Variants in NOSIP observed in about 807,000 individuals in gnomAD.
NOSIP encodes the protein nitric oxide synthase-interacting protein.
NOSIP carries 25 observed loss-of-function variants against 36.4 expected under a neutral mutation model. The observed-to-expected ratio is 0.69, with a 90% CI of 0.50 to 0.96. NOSIP has a LOEUF of 0.96. NOSIP is among the 40% of genes least tolerant of loss of function. The pLI, the probability that NOSIP is intolerant of heterozygous loss-of-function variation, is 0.00. For synonymous variants in NOSIP, 187 were observed against 179.2 expected, an observed-to-expected ratio of 1.04 and a Z score of -0.35; for missense variants, 370 against 429.0, an observed-to-expected ratio of 0.86 and a Z score of 1.21.
At chr19:49,556,814 A>C in intron 6 of NOSIP, 61 bp downstream of exon 6, 1 of 1,596,536 alleles carries the variant, frequency 6.3e-7, no homozygotes, top group Non-Finnish European at 8.6e-7. Context: ...GTGCGTGAGG[A>C]GGACGGTGGG....
At chr19:49,558,060 A>T in intron 4 of NOSIP, 1 of 363,886 alleles carries the variant, frequency 2.7e-6, no homozygotes, top group Non-Finnish European at 3.8e-6. Context: ...GGCCCCTCCT[A>T]CCCATCAAAT....
intron 8 of NOSIP, 56 bp downstream of exon 8, chr19:49,556,261 A>AAGGGG (rs1436542923): frequency 3.9e-6 from 3 of 771,604 alleles, no homozygotes; most frequent in African/African-American, 8.9e-5. Flanking sequence ...GGAGGGGGTG[A>AAGGGG]AGGGGAGGGG....
At position 49,560,099 on chromosome 19, in the gene NOSIP, C is replaced by G; in HGVS notation, c.71-60G>C. 8.5e-7 allele frequency: 1 copy of G among 1,180,924 alleles called. No individual in the cohort carries two copies. The highest frequency in any genetic ancestry group is 1.2e-6 in the Non-Finnish European group (1 of 811,008). 73.2% of individuals were successfully genotyped at this position (1,180,924 alleles called of 1,614,324 possible). On this transcript the variant is annotated intron_variant, in intron 2 of 8. Coordinates refer to ENST00000596358, the MANE Select transcript of NOSIP (RefSeq NM_001270960.2). This position sits in a 1 kb window ranked among gnomAD's most constrained non-coding sequence, Gnocchi z 4.6. ...GGAGCAACAGGAGACATGTCCGTCTCCAAAGCCCCAGAGAGAGGCACAGAG... is the reference window on the plus strand; with the variant it reads ...GGAGCAACAGGAGACATGTCCGTCTGCAAAGCCCCAGAGAGAGGCACAGAG...
At chr19:49,578,756 C>A (rs894622438) in intron 1 of NOSIP, among the ~76,000 whole-genome samples, 3 of 151,648 alleles carry the variant, frequency 2.0e-5, no homozygotes, top group Admixed American at 6.6e-5. Context: ...ACGCAATTCT[C>A]CTGCCTCAGC....
At chr19:49,566,484 C>T (rs1288363433) in intron 1 of NOSIP, among the ~76,000 whole-genome samples, 1 of 150,782 alleles carries the variant, frequency 6.6e-6, no homozygotes, top group Non-Finnish European at 1.5e-5. Flanking sequence ...AATTTTTTAT[C>T]CAGGCAGGGT....
In NOSIP at chr19:49,556,983, T is replaced by A. The variant is rs751690144; in HGVS notation, c.429A>T (p.Gln143His). The change falls in exon 6 of 9, where the codon CAA becomes CAT. Residue 143 changes from glutamine (Q) to histidine (H), a missense_variant. By Grantham distance (24) the Gln-to-His change is conservative (BLOSUM62 0). Transcript: ENST00000596358. ...TTGGAGGACCCACACTGGGCCCAGG[T>A]TGGACATCATCTGTGGGGGAAGGAA... ...ALSGTSPDDV[Q>H]PGPSVGPPSK... 1 of 1,608,524 alleles carries A rather than the reference T, an allele frequency of 6.2e-7. No homozygotes were observed. Among genetic ancestry groups the A allele is most frequent in the Non-Finnish European group, 8.5e-7 (1 of 1,177,496 alleles).
At chr19:49,574,041 T>G (rs2080520933) in intron 1 of NOSIP, among the ~76,000 whole-genome samples, 1 of 152,022 alleles carries the variant, frequency 6.6e-6, no homozygotes, top group African/African-American at 2.4e-5. Context: ...TTTGTATTTT[T>G]AGTAGAGACG....
In NOSIP at chr19:49,560,619, C is replaced by T. The variant is rs1412227422; in HGVS notation, c.70+3G>A. 1.3e-6 allele frequency: 2 copies of T among 1,582,926 alleles called. No homozygotes were observed. Among genetic ancestry groups the T allele is most frequent in the Non-Finnish European group, 1.7e-6 (2 of 1,163,092 alleles). On this transcript the variant is annotated splice_donor_region_variant and intron_variant, in intron 2 of 8. Transcript: ENST00000596358. The surrounding 1 kb of genome is among the most constrained non-coding windows in gnomAD (Gnocchi z 4.6). The stretch of plus-strand genomic sequence containing the variant: ...CCCGCCTCTTCCCACCCCAGCCCTG[C>T]ACCTGTGTCCTTCTTCTTCTCGTGG...
In NOSIP at chr19:49,559,009, G is replaced by GAA; in HGVS notation, c.177-33_177-32dup. On this transcript the variant is annotated intron_variant, in intron 3 of 8. Coordinates refer to ENST00000596358, the MANE Select transcript of NOSIP (RefSeq NM_001270960.2). ...AAGACAGGGTGCAATGAGAAAGAAAGAAAGTGATCCTCCCGCCTCGGCCTC... is the reference window on the plus strand; with the variant it reads ...AAGACAGGGTGCAATGAGAAAGAAAGAAAAAGTGATCCTCCCGCCTCGGCCTC... 6 of 1,583,876 alleles carry GAA rather than the reference G, an allele frequency of 3.8e-6. No individual in the cohort carries two copies. In the South Asian group the frequency reaches 6.6e-5, roughly 18 times the overall value.
chr19:49,576,302 G>A (rs935103592), intron 1 of NOSIP, among the ~76,000 whole-genome samples: 1 of 151,960 alleles, frequency 6.6e-6, no homozygotes, highest in Non-Finnish European at 1.5e-5. Flanking sequence ...AGACCAGCCT[G>A]AGCAACATGC....
At chr19:49,565,258 G>A (rs959807409) in intron 1 of NOSIP, among the ~76,000 whole-genome samples, 3 of 149,854 alleles carry the variant, frequency 2.0e-5, no homozygotes, top group African/African-American at 7.6e-5. Flanking sequence ...GGGAGTCAGA[G>A]TGAGACCCTG....
At chr19:49,577,938 CTG>C (rs2080575524) in intron 1 of NOSIP, among the ~76,000 whole-genome samples, 1 of 152,002 alleles carries the variant, frequency 6.6e-6, no homozygotes, top group South Asian at 2.1e-4. Flanking sequence ...CTGCCAAAGA[CTG>C]GGGTGGGAAG....
intron 1 of NOSIP, among the ~76,000 whole-genome samples, chr19:49,568,802 G>T (rs868115496): frequency 0.14 from 15,240 of 112,758 alleles, 1,476 homozygotes; most frequent in African/African-American, 0.29. Flanking sequence ...AAAATAGTTT[G>T]TTTGTTTGTT....
rs369833126 is a variant in NOSIP, at chr19:49,575,085, T to C, written c.-2+5430A>G. Among the ~76,000 whole-genome samples, 18 of 152,128 alleles carry C rather than the reference T, an allele frequency of 1.2e-4. 1 individual carries two copies. In the South Asian group the frequency reaches 3.1e-3, roughly 26 times the overall value. ...TCACCACGTTAGCCAGGATGGTCTC[T>C]ATCTCCTGACTTCGTGATCTGCCCA... On this transcript the variant is annotated intron_variant, in intron 1 of 8. Transcript: ENST00000596358.
intron 1 of NOSIP, among the ~76,000 whole-genome samples, chr19:49,563,742 G>A (rs556742907): frequency 1.3e-4 from 19 of 149,842 alleles, no homozygotes; most frequent in Non-Finnish European, 2.4e-4. Flanking sequence ...TGATCCACCC[G>A]CCTCGGCCTC....
rs2080318716 is a variant in NOSIP, at chr19:49,560,536, C to T, written c.70+86G>A. On this transcript the variant is annotated intron_variant, in intron 2 of 8. Coordinates refer to ENST00000596358, the MANE Select transcript of NOSIP (RefSeq NM_001270960.2). The surrounding 1 kb of genome is among the most constrained non-coding windows in gnomAD (Gnocchi z 4.6). ...ATCGGGGGCGGGAGAGAGACAGGGA[C>T]AGAGGAAGCAAAACCTGGGGCACGA... The T allele has an allele frequency of 9.7e-7, 1 of 1,025,690 alleles. No homozygotes were observed. The highest frequency in any genetic ancestry group is 2.0e-5 in the Admixed American group (1 of 49,982). The allele number at this position is 1,025,690 out of a possible 1,614,324, so 63.5% of individuals were successfully genotyped here.
In NOSIP at chr19:49,555,777, T is replaced by C; in HGVS notation, c.880A>G (p.Lys294Glu). ...AGSGVKLQAE[K>E]SRPVMQA The stretch of plus-strand genomic sequence containing the variant: ...CAGGCCTGCATCACCGGCCGTGATT[T>C]CTCCGCTTGCAGCTTCACTCCGGAG... The change falls in exon 9 of 9, where the codon AAA becomes GAA. Residue 294 changes from lysine to glutamate, a missense_variant. By Grantham distance (56) the Lys-to-Glu change is moderately conservative (BLOSUM62 1). Around this residue, in one of 3 missense-constraint regions of NOSIP, gnomAD observed 18 missense variants for 36.9 expected, o/e 0.49. Coordinates refer to ENST00000596358, the MANE Select transcript of NOSIP (RefSeq NM_001270960.2). The C allele has an allele frequency of 6.2e-7, 1 of 1,613,542 alleles. No individual in the cohort carries two copies. The highest frequency in any genetic ancestry group is 8.5e-7 in the Non-Finnish European group (1 of 1,179,846).
At chr19:49,557,047 G>T in intron 5 of NOSIP, 43 bp downstream of exon 5, 1 of 1,589,938 alleles carries the variant, frequency 6.3e-7, no homozygotes, top group East Asian at 2.3e-5. Context: ...CCCAGCCCGC[G>T]GCGCCCCGCC....
In NOSIP at chr19:49,559,972, A is replaced by G; in HGVS notation, c.138T>C (p.Cys46=). The change falls in exon 3 of 9, where the codon TGT becomes TGC. Residue 46 remains cysteine (C), a synonymous_variant. Transcript: ENST00000596358. ...SRDAVKDFDC[C]CLSLQPCHDP... is the part of the protein sequence containing the mutation. ...CGTGGCAAGGCTGCAGGGAGAGACAACAGCAGTCGAAGTCCTTCACGGCAT... is the reference window on the plus strand; with the variant it reads ...CGTGGCAAGGCTGCAGGGAGAGACAGCAGCAGTCGAAGTCCTTCACGGCAT... The G allele has an allele frequency of 1.2e-6, 2 of 1,613,862 alleles. No individual in the cohort carries two copies. The highest frequency in any genetic ancestry group is 1.7e-6 in the Non-Finnish European group (2 of 1,179,848).
Sources: allele counts gnomAD v4.1 joint callset (sites outside exome capture counted in the v4.1 genomes callset), GRCh38; gene constraint gnomAD v4.1.1; regional missense constraint gnomAD v4.1.1; non-coding constraint Gnocchi (gnomAD v3.1); transcripts MANE v1.5; gene names NCBI Gene and HGNC (gene_info 2026-07-23, HGNC 2026-07-21).